The following DOCK1 variants were observed in gnomAD, a reference collection of about 807,000 sequenced individuals.
The protein encoded by DOCK1 is dedicator of cytokinesis 1.
A neutral mutation model predicts 262.7 loss-of-function variants in DOCK1; 138 were observed. The observed-to-expected ratio is 0.53, with a 90% CI of 0.46 to 0.61. The LOEUF (loss-of-function observed/expected upper bound fraction) is 0.61. Among genes scored for constraint, DOCK1 ranks in the 20% least tolerant of loss-of-function variants. DOCK1 has a pLI of 0.00. For missense variants in DOCK1, 1,908 were observed against 2,370.7 expected, an observed-to-expected ratio of 0.80 and a Z score of 4.05; for synonymous variants, 866 against 867.4, an observed-to-expected ratio of 1.00 and a Z score of 0.03.
chr10:127,088,992 A>G (rs558858923), intron 23 of DOCK1, among the ~76,000 whole-genome samples: 1 of 152,154 alleles, frequency 6.6e-6, no homozygotes, highest in East Asian at 1.9e-4. Flanking sequence ...CTAACACCCA[A>G]GACCATCCAT....
chr10:127,228,811 TTATG>T (rs1414209354), intron 27 of DOCK1, among the ~76,000 whole-genome samples: 3 of 152,190 alleles, frequency 2.0e-5, no homozygotes, highest in Non-Finnish European at 4.4e-5. Context: ...CGAATAAAAA[TTATG>T]TATATTTATG....
At chr10:127,131,957 AAAG>A (rs2050352421) in intron 27 of DOCK1, among the ~76,000 whole-genome samples, 1 of 152,252 alleles carries the variant, frequency 6.6e-6, no homozygotes, top group African/African-American at 2.4e-5. Context: ...AAGTGATTAA[AAAG>A]AACTCTGAAA....
chr10:126,976,981 T>C (rs2038591554), intron 2 of DOCK1, among the ~76,000 whole-genome samples: 1 of 152,216 alleles, frequency 6.6e-6, no homozygotes, highest in South Asian at 2.1e-4. Flanking sequence ...GTGATCCACC[T>C]GCCTTGGCCT....
intron 29 of DOCK1, among the ~76,000 whole-genome samples, chr10:127,275,511 G>T (rs1010079905): frequency 3.3e-5 from 5 of 152,288 alleles, no homozygotes; most frequent in Middle Eastern, 3.4e-3. Context: ...CAGATGGTGT[G>T]TCGGGAGCTG....
intron 13 of DOCK1, among the ~76,000 whole-genome samples, chr10:127,020,038 G>T (rs757592892): frequency 7.9e-5 from 12 of 152,084 alleles, no homozygotes; most frequent in Non-Finnish European, 1.5e-4. Context: ...GGCTGTTGTG[G>T]GTCATTGAAT....
At position 127,221,795 on chromosome 10, in the gene DOCK1, C is replaced by A. The variant is rs147794612; in HGVS notation, c.2848-26213C>A. Reference sequence around the variant, plus strand: ...GAAATGAGCTCTTGTATGAAGCTGGCAAATTATGGCTTATCTTTCCTTTAG... The same window carrying A: ...GAAATGAGCTCTTGTATGAAGCTGGAAAATTATGGCTTATCTTTCCTTTAG... On this transcript the variant is annotated intron_variant, in intron 27 of 51. Transcript: ENST00000623213. Among the ~76,000 whole-genome samples, 1,338 of 152,244 alleles carry A rather than the reference C, an allele frequency of 8.8e-3. 12 individuals are homozygous for A. The highest frequency in any genetic ancestry group is 0.017 in the Middle Eastern group (5 of 294).
At chr10:127,007,950 A>C (rs2041158796) in intron 10 of DOCK1, among the ~76,000 whole-genome samples, 1 of 152,162 alleles carries the variant, frequency 6.6e-6, no homozygotes, top group Admixed American at 6.5e-5. Context: ...TTGTTGGCTT[A>C]ATTGTTTGCG....
chr10:127,233,574 T>A (rs1241925348), intron 27 of DOCK1, among the ~76,000 whole-genome samples: 1 of 152,200 alleles, frequency 6.6e-6, no homozygotes. Flanking sequence ...CTAATTAATG[T>A]CAACTCTGAC....
At position 127,052,881 on chromosome 10, in the gene DOCK1, C is replaced by T. The variant is rs1024294982; in HGVS notation, c.2336+66C>T. On this transcript the variant is annotated intron_variant, in intron 22 of 51. Transcript: ENST00000623213. ...TGGCAGGAGATCCTTCACTTCTTTC[C>T]TTCCCCTTCTCTCGTCCCCTTATTC... 116 of 1,547,934 alleles carry T rather than the reference C, an allele frequency of 7.5e-5. No individual in the cohort carries two copies. In the Middle Eastern group the frequency reaches 3.5e-3, roughly 46 times the overall value.
intron 25 of DOCK1, among the ~76,000 whole-genome samples, chr10:127,124,397 C>A (rs1249033175): frequency 6.6e-6 from 1 of 152,172 alleles, no homozygotes; most frequent in Non-Finnish European, 1.5e-5. Flanking sequence ...TGTCAAAACA[C>A]AGAACTGGTG....
intron 29 of DOCK1, among the ~76,000 whole-genome samples, chr10:127,269,167 C>G (rs2060476634): frequency 6.6e-6 from 1 of 152,166 alleles, no homozygotes; most frequent in Admixed American, 6.5e-5. Context: ...TCAAGCCTCG[C>G]TGGAGTGTTT....
At chr10:127,044,833 A>G (rs2044237455) in intron 21 of DOCK1, among the ~76,000 whole-genome samples, 1 of 152,152 alleles carries the variant, frequency 6.6e-6, no homozygotes, top group Admixed American at 6.5e-5. Flanking sequence ...GGAGATTTTG[A>G]TGAGTTTCCT....
intron 27 of DOCK1, among the ~76,000 whole-genome samples, chr10:127,158,355 A>C (rs2133609302): frequency 6.6e-6 from 1 of 152,334 alleles, no homozygotes; most frequent in African/African-American, 2.4e-5. Context: ...GTAGATTAGA[A>C]GTTTAGAGAG....
At chr10:126,974,124 G>A (rs915768080) in intron 2 of DOCK1, among the ~76,000 whole-genome samples, 3 of 152,110 alleles carry the variant, frequency 2.0e-5, no homozygotes, top group Admixed American at 6.5e-5. Context: ...TTTAAACAAT[G>A]TCCTACCTCC....
At chr10:127,126,256 A>G (rs992990235) in intron 26 of DOCK1, among the ~76,000 whole-genome samples, 1 of 152,052 alleles carries the variant, frequency 6.6e-6, no homozygotes, top group Non-Finnish European at 1.5e-5. Context: ...CACCATGCCC[A>G]GCTAATTTTT....
intron 29 of DOCK1, among the ~76,000 whole-genome samples, chr10:127,265,273 T>C (rs2060313684): frequency 6.6e-6 from 1 of 152,230 alleles, no homozygotes; most frequent in South Asian, 2.1e-4. Context: ...TTTTGTTCTA[T>C]CTGCAATCAA....
In DOCK1 at chr10:127,451,926, A is replaced by G. The variant is rs555982032; in HGVS notation, c.*499A>G. On this transcript the variant is annotated 3_prime_UTR_variant, in exon 52 of 52. Transcript: ENST00000623213. ...CTTCGTTGGTTGAGGTGTGTCTCCAACCTACATCAGACCATGAAGTTCAAC... is the reference window on the plus strand; with the variant it reads ...CTTCGTTGGTTGAGGTGTGTCTCCAGCCTACATCAGACCATGAAGTTCAAC... 3.1e-5 allele frequency: 5 copies of G among 161,702 alleles called. No homozygotes were observed. In the South Asian group the frequency reaches 9.3e-4, roughly 30 times the overall value. The allele number at this position is 161,702 out of a possible 1,614,324, so 10.0% of individuals were successfully genotyped here. A position where few individuals can be genotyped will look rare whatever the true frequency, so the allele number is the denominator to read the frequency against.
intron 29 of DOCK1, among the ~76,000 whole-genome samples, chr10:127,261,264 T>G (rs1456531130): frequency 2.6e-5 from 3 of 115,566 alleles, no homozygotes; most frequent in African/African-American, 1.0e-4. Context: ...TGCATGTGGG[T>G]GTGTGTGTGT....
chr10:127,064,488 AT>A lies in DOCK1; in HGVS notation c.2445+2717del, dbSNP rs544799332. Among the ~76,000 whole-genome samples the A allele has an allele frequency of 5.9e-5, 9 of 152,248 alleles. 1 individual carries two copies. The South Asian group carries it at 1.9e-3, about 32-fold the overall frequency. On this transcript the variant is annotated intron_variant, in intron 23 of 51. Transcript: ENST00000623213. ...CTGTTTTCATTGATTTAGTGACAAA[AT>A]TTTTCCAAGGTCATTTAAGTGAGAA...
Sources: gnomAD v4.1 joint callset for allele counts (sites outside exome capture counted in the v4.1 genomes callset) on GRCh38, gnomAD v4.1.1 for gene constraint, MANE v1.5 for transcripts, NCBI Gene and HGNC (gene_info 2026-07-23, HGNC 2026-07-21) for gene names.